DIAPH2: variants seen among roughly 807,000 people sequenced by gnomAD.
The protein encoded by DIAPH2 is protein diaphanous homolog 2.
DIAPH2 carries 35 observed loss-of-function variants against 92.7 expected under a neutral mutation model. The ratio of observed to expected loss-of-function variants is 0.38; its 90% CI spans 0.29 to 0.50. The LOEUF is 0.50. DIAPH2 is among the 20% of genes least tolerant of loss of function. DIAPH2 has a pLI of 0.94. For synonymous variants in DIAPH2, 301 were observed against 280.4 expected (o/e 1.07, Z -0.73); for missense variants, 701 against 819.5 (o/e 0.86, Z 1.77).
intron 4 of DIAPH2, among the ~76,000 whole-genome samples, chrX:96,809,450 T>C (rs1012289365): frequency 3.5e-4 from 39 of 110,569 alleles, no homozygotes; most frequent in African/African-American, 1.2e-3. Context: ...CTCCAGAACA[T>C]TTACATCTTG....
chrX:97,373,315 T>C (rs1281277015), intron 24 of DIAPH2, among the ~76,000 whole-genome samples: 1 of 110,100 alleles, frequency 9.1e-6, no homozygotes, highest in Non-Finnish European at 1.9e-5. Context: ...TTTTCTACAA[T>C]AAAGAAATAT....
At chrX:96,902,687 T>A (rs2065406155) in intron 5 of DIAPH2, among the ~76,000 whole-genome samples, 1 of 111,384 alleles carries the variant, frequency 9.0e-6, no homozygotes, top group Non-Finnish European at 1.9e-5. Context: ...AATATAAATT[T>A]AAAAAAACAC....
intron 1 of DIAPH2, 124 bp downstream of exon 1, chrX:96,685,314 C>A: frequency 2.5e-6 from 2 of 807,755 alleles, no homozygotes; most frequent in Non-Finnish European, 3.2e-6. Context: ...CTGTGCAACT[C>A]GGGGAGCCGC....
intron 20 of DIAPH2, among the ~76,000 whole-genome samples, chrX:97,109,479 G>A (rs187861544): frequency 5.4e-5 from 6 of 111,569 alleles, no homozygotes; most frequent in African/African-American, 1.3e-4. Context: ...CTACAGTGTC[G>A]CTGTTTCTCC....
chrX:96,782,691 C>G lies in DIAPH2; in HGVS notation c.447+24433C>G, dbSNP rs2064428074. Among the ~76,000 whole-genome samples the G allele has an allele frequency of 2.7e-5, 3 of 111,555 alleles. No individual in the cohort carries two copies. The South Asian group carries it at 1.1e-3, about 41-fold the overall frequency. On this transcript the variant is annotated intron_variant, in intron 4 of 26. Coordinates refer to ENST00000324765, the MANE Select transcript of DIAPH2 (RefSeq NM_006729.5). ...TCAAGCGATCTGCCCTCCTCCGCCTCCCAAAGTACTGAGGTTACAGACATG... is the reference window on the plus strand; with the variant it reads ...TCAAGCGATCTGCCCTCCTCCGCCTGCCAAAGTACTGAGGTTACAGACATG...
chrX:96,791,023 T>G (rs2064496868), intron 4 of DIAPH2, among the ~76,000 whole-genome samples: 1 of 112,269 alleles, frequency 8.9e-6, no homozygotes, highest in South Asian at 3.7e-4. Context: ...CTTAAAGAGA[T>G]ATCTTTGACG....
chrX:97,570,025 A>G (rs760069813), intron 26 of DIAPH2, among the ~76,000 whole-genome samples: 1 of 88,274 alleles, frequency 1.1e-5, no homozygotes, highest in African/African-American at 4.1e-5. Context: ...CTAAAATTCT[A>G]TGTTCCATTG....
intron 26 of DIAPH2, among the ~76,000 whole-genome samples, chrX:97,518,114 A>G (rs1426949895): frequency 8.9e-6 from 1 of 112,290 alleles, no homozygotes; most frequent in Non-Finnish European, 1.9e-5. Flanking sequence ...GGGCCAGAAT[A>G]CTATCAAGCT....
Position 97,072,249 on chromosome X carries a change from CT to C in DIAPH2, c.2051-689del, listed in dbSNP as rs1454711111. Reference sequence around the variant, plus strand: ...CTCCTTGGCACTGCTACTCCTTACCCTTTCAGTCCTTTAAACTGTTTTTAAT... The same window carrying C: ...CTCCTTGGCACTGCTACTCCTTACCCTTCAGTCCTTTAAACTGTTTTTAAT... On this transcript the variant is annotated intron_variant, in intron 17 of 26. Transcript: ENST00000324765. 2.7e-5 allele frequency among the ~76,000 whole-genome samples: 3 copies of C among 112,078 alleles called. No individual in the cohort carries two copies. The Admixed American group carries it at 2.9e-4, about 11-fold the overall frequency.
intron 4 of DIAPH2, among the ~76,000 whole-genome samples, chrX:96,773,091 G>T (rs766387926): frequency 9.0e-5 from 10 of 111,283 alleles, no homozygotes; most frequent in Admixed American, 5.7e-4. Flanking sequence ...AGTTAAATGA[G>T]CTTAAATAGG....
chrX:96,728,480 G>T (rs1242706735), intron 1 of DIAPH2, among the ~76,000 whole-genome samples: 1 of 111,798 alleles, frequency 8.9e-6, no homozygotes, highest in African/African-American at 3.3e-5. Flanking sequence ...CAAAGTGCTG[G>T]TAGTACAGGT....
chrX:97,045,357 G>A (rs893749679), intron 17 of DIAPH2, among the ~76,000 whole-genome samples: 2 of 111,659 alleles, frequency 1.8e-5, no homozygotes, highest in Admixed American at 1.9e-4. Context: ...AATGTTGTTT[G>A]GTAAGTAGTA....
chrX:96,888,520 C>CATATATCTATATATATACATACAGATAT (rs1216325894), intron 5 of DIAPH2, among the ~76,000 whole-genome samples: 39 of 100,995 alleles, frequency 3.9e-4, no homozygotes, highest in Non-Finnish European at 6.7e-4. Context: ...CACACAGATA[C>CATATATCTATATATATACATACAGATAT]ATATATCTAT....
intron 12 of DIAPH2, among the ~76,000 whole-genome samples, chrX:96,940,329 T>C (rs1169874017): frequency 1.8e-5 from 2 of 112,070 alleles, no homozygotes; most frequent in Admixed American, 9.4e-5. Flanking sequence ...AAAATAACCA[T>C]TAAAGTTAAA....
chrX:97,120,614 G>T (rs866346453), intron 21 of DIAPH2, among the ~76,000 whole-genome samples: 3 of 75,848 alleles, frequency 4.0e-5, no homozygotes, highest in Non-Finnish European at 7.4e-5. Flanking sequence ...TTTTTTGTGG[G>T]TTTTTTTTTT....
chrX:97,185,477 A>G (rs1430489844), intron 22 of DIAPH2, among the ~76,000 whole-genome samples: 7 of 1,556 alleles, frequency 4.5e-3, no homozygotes, highest in Non-Finnish European at 0.011. Context: ...ATATACACAT[A>G]TATATATATA....
chrX:97,291,370 C>T (rs763792185), intron 23 of DIAPH2, among the ~76,000 whole-genome samples: 1 of 110,916 alleles, frequency 9.0e-6, no homozygotes, highest in South Asian at 3.9e-4. Flanking sequence ...TGCATTCCAG[C>T]CTGGGCAACA....
chrX:97,549,597 TATCAACATTGGTAA>T (rs1484418165), intron 26 of DIAPH2, among the ~76,000 whole-genome samples: 1 of 111,917 alleles, frequency 8.9e-6, no homozygotes, highest in Non-Finnish European at 1.9e-5. Flanking sequence ...ATAGTACATT[TATCAACATTGGTAA>T]ATCAACATTG....
intron 4 of DIAPH2, 51 bp downstream of exon 4, chrX:96,758,309 A>C (rs1253611372): frequency 4.7e-6 from 5 of 1,069,061 alleles, no homozygotes; most frequent in Non-Finnish European, 6.4e-6. Flanking sequence ...TGAGCTTAGC[A>C]TCATTTTGCT....
Sources: gnomAD v4.1 joint callset for allele counts (sites outside exome capture counted in the v4.1 genomes callset) on GRCh38, gnomAD v4.1.1 for gene constraint, MANE v1.5 for transcripts, NCBI Gene and HGNC (gene_info 2026-07-23, HGNC 2026-07-21) for gene names.